The following AKAP19 variants were observed in gnomAD, a reference collection of about 807,000 sequenced individuals.
AKAP19 encodes the protein small A-kinase anchoring protein.
chr2:190,200,173 C>T, the AKAP19 span: 1 of 1,593,044 alleles, frequency 6.3e-7, no homozygotes, highest in Non-Finnish European at 8.6e-7. Flanking sequence ...AACACTTTGA[C>T]TGTGGAGGTG....
At chr2:190,034,093 T>A in the AKAP19 span, among the ~76,000 whole-genome samples, 8 of 124,850 alleles carry the variant, frequency 6.4e-5, no homozygotes, top group South Asian at 2.9e-4. Context: ...ATAAAAAAAA[T>A]TATATAAATA....
chr2:190,094,337 C>G, the AKAP19 span, among the ~76,000 whole-genome samples: 2 of 152,124 alleles, frequency 1.3e-5, no homozygotes, highest in Non-Finnish European at 2.9e-5. Context: ...TATTTCTGAT[C>G]TTTTCAGCAG....
At chr2:190,099,695 G>A in the AKAP19 span, among the ~76,000 whole-genome samples, 1 of 152,152 alleles carries the variant, frequency 6.6e-6, no homozygotes, top group Non-Finnish European at 1.5e-5. Flanking sequence ...TGTGAAGCAC[G>A]ATAAAGTGAA....
At chr2:189,975,798 G>A in the AKAP19 span, among the ~76,000 whole-genome samples, 8 of 152,068 alleles carry the variant, frequency 5.3e-5, no homozygotes, top group East Asian at 1.9e-4. Flanking sequence ...TTGTGCATTC[G>A]TCAAGTAGTT....
chr2:189,881,746 A>G, the AKAP19 span, among the ~76,000 whole-genome samples: 8 of 152,350 alleles, frequency 5.3e-5, no homozygotes, highest in Non-Finnish European at 7.4e-5. Flanking sequence ...TGTAGCCTGC[A>G]AAATAGAAAG....
At chr2:190,008,799 T>C in the AKAP19 span, among the ~76,000 whole-genome samples, 93 of 151,002 alleles carry the variant, frequency 6.2e-4, 1 homozygote, top group Non-Finnish European at 1.0e-3. Flanking sequence ...ATTTACATTA[T>C]GGGGTGTAAG....
the AKAP19 span, among the ~76,000 whole-genome samples, chr2:190,121,343 G>A: frequency 6.6e-6 from 1 of 151,984 alleles, no homozygotes; most frequent in Non-Finnish European, 1.5e-5. Context: ...AAACACCTGG[G>A]CTCAAGTGAT....
At chr2:190,043,098 G>A in the AKAP19 span, among the ~76,000 whole-genome samples, 9 of 152,104 alleles carry the variant, frequency 5.9e-5, no homozygotes, top group Non-Finnish European at 1.2e-4. Flanking sequence ...TAGGTGACCT[G>A]CCCTTTCTCT....
the AKAP19 span, among the ~76,000 whole-genome samples, chr2:190,073,097 A>C: frequency 0.066 from 9,987 of 152,196 alleles, 1,088 homozygotes; most frequent in African/African-American, 0.23. Context: ...TATCAATATA[A>C]AGAATGCACA....
At chr2:189,883,514 T>G in the AKAP19 span, among the ~76,000 whole-genome samples, 2 of 151,390 alleles carry the variant, frequency 1.3e-5, no homozygotes, top group East Asian at 1.9e-4. Flanking sequence ...CCTGTTTTTT[T>G]TTTTTTTTTT....
the AKAP19 span, among the ~76,000 whole-genome samples, chr2:190,016,507 A>G: frequency 6.6e-6 from 1 of 152,306 alleles, no homozygotes; most frequent in Admixed American, 6.5e-5. Context: ...GGGGATTACA[A>G]TTCAAGAGGA....
the AKAP19 span, among the ~76,000 whole-genome samples, chr2:190,013,694 T>C: frequency 6.6e-6 from 1 of 151,858 alleles, no homozygotes; most frequent in Non-Finnish European, 1.5e-5. Context: ...TTTTTGTATT[T>C]TTTTTAGTAG....
At chr2:190,161,373 A>G in the AKAP19 span, among the ~76,000 whole-genome samples, 1 of 152,106 alleles carries the variant, frequency 6.6e-6, no homozygotes, top group Non-Finnish European at 1.5e-5. Flanking sequence ...TTACCCTATC[A>G]AGTAGCATAC....
the AKAP19 span, among the ~76,000 whole-genome samples, chr2:190,112,046 T>C: frequency 1.3e-5 from 2 of 152,254 alleles, no homozygotes; most frequent in East Asian, 1.9e-4. Flanking sequence ...CACAGGCACC[T>C]GCCACCACAC....
the AKAP19 span, among the ~76,000 whole-genome samples, chr2:190,073,508 A>G: frequency 1.1e-4 from 17 of 152,194 alleles, no homozygotes; most frequent in Middle Eastern, 6.8e-3. Flanking sequence ...GGTCGCAATC[A>G]AAATATTAAT....
chr2:189,945,314 A>G, the AKAP19 span, among the ~76,000 whole-genome samples: 56 of 152,328 alleles, frequency 3.7e-4, no homozygotes, highest in African/African-American at 1.3e-3. Context: ...GGAGAGGTCT[A>G]TGTGGCTAGA....
the AKAP19 span, among the ~76,000 whole-genome samples, chr2:189,885,646 G>A: frequency 6.6e-6 from 1 of 152,110 alleles, no homozygotes; most frequent in Admixed American, 6.6e-5. Context: ...CTAATTTGAG[G>A]AGTTTTATTA....
chr2:190,078,969 GA>G, the AKAP19 span, among the ~76,000 whole-genome samples: 1 of 150,932 alleles, frequency 6.6e-6, no homozygotes, highest in East Asian at 1.9e-4. Flanking sequence ...AAGTAGAAAG[GA>G]AAATTTTAGA....
the AKAP19 span, among the ~76,000 whole-genome samples, chr2:190,027,751 A>T: frequency 5.9e-5 from 9 of 152,168 alleles, no homozygotes; most frequent in Non-Finnish European, 1.3e-4. Context: ...GTGGTGTTTG[A>T]TTATCAATTT....
Sources: allele counts gnomAD v4.1 joint callset (sites outside exome capture counted in the v4.1 genomes callset), GRCh38; gene constraint gnomAD v4.1.1; transcripts MANE v1.5; gene names NCBI Gene and HGNC (gene_info 2026-07-23, HGNC 2026-07-21).